Variants in COMMD1 observed in about 807,000 individuals in gnomAD.
COMMD1 encodes COMM domain-containing protein 1.
COMMD1 carries 10 observed loss-of-function variants against 17.2 expected under a neutral mutation model. That is an observed-to-expected ratio of 0.58 (90% CI 0.36 to 0.99). COMMD1 has a LOEUF of 0.99. COMMD1 is among the 50% of genes least tolerant of loss of function. COMMD1 has a pLI of 0.01. For synonymous variants in COMMD1, 97 were observed against 91.6 expected, an observed-to-expected ratio of 1.06 and a Z score of -0.34; for missense variants, 270 against 231.8, an observed-to-expected ratio of 1.17 and a Z score of -1.07.
chr2:62,090,682 G>C (rs1671800696), intron 2 of COMMD1: 1 of 152,188 alleles, frequency 6.6e-6, no homozygotes, highest in African/African-American at 2.4e-5. Context: ...CCCAACAGAA[G>C]CGGCCCTTCC....
chr2:61,899,674 T>A (rs1305401883), intron 1 of COMMD1, among the ~76,000 whole-genome samples: 1 of 151,968 alleles, frequency 6.6e-6, no homozygotes, highest in Non-Finnish European at 1.5e-5. Flanking sequence ...TTCTTGTTGT[T>A]TTGTTTGTTT....
At chr2:62,015,482 A>C (rs1669413910) in intron 2 of COMMD1, among the ~76,000 whole-genome samples, 1 of 152,200 alleles carries the variant, frequency 6.6e-6, no homozygotes, top group African/African-American at 2.4e-5. Flanking sequence ...TGCTGTGAAC[A>C]TGGGTATACA....
intron 2 of COMMD1, among the ~76,000 whole-genome samples, chr2:62,015,471 C>T (rs992164094): frequency 6.6e-6 from 1 of 152,164 alleles, no homozygotes; most frequent in Non-Finnish European, 1.5e-5. Context: ...TGTGACTAAT[C>T]TGCTGTGAAC....
At position 62,050,403 on chromosome 2, in the gene COMMD1, T is replaced by C. The variant is rs563388128; in HGVS notation, c.462+49421T>C. Reference sequence around the variant, plus strand: ...TCTGCCATCTCAATGAAGTTGCTAGTATTTTGTGTATCTTTCAGTTATTTT... The same window carrying C: ...TCTGCCATCTCAATGAAGTTGCTAGCATTTTGTGTATCTTTCAGTTATTTT... On this transcript the variant is annotated intron_variant, in intron 2 of 2. Transcript: ENST00000311832. 2.0e-5 allele frequency among the ~76,000 whole-genome samples: 3 copies of C among 152,322 alleles called. No homozygotes were observed. The South Asian group carries it at 6.2e-4, about 32-fold the overall frequency.
chr2:61,914,434 A>G (rs1404036128), intron 1 of COMMD1, among the ~76,000 whole-genome samples: 1 of 147,086 alleles, frequency 6.8e-6, no homozygotes, highest in East Asian at 2.2e-4. Context: ...AAAATTAGGC[A>G]TGGTGGCGTG....
At chr2:61,917,752 T>C (rs1456213587) in intron 1 of COMMD1, among the ~76,000 whole-genome samples, 1 of 152,172 alleles carries the variant, frequency 6.6e-6, no homozygotes, top group Non-Finnish European at 1.5e-5. Context: ...AGGATGGTCT[T>C]GATTTCCACT....
At chr2:61,998,775 G>A (rs1407898967) in intron 1 of COMMD1, among the ~76,000 whole-genome samples, 2 of 152,180 alleles carry the variant, frequency 1.3e-5, no homozygotes, top group African/African-American at 2.4e-5. Context: ...AGAGGCCATC[G>A]TAGGGTTATT....
At chr2:61,975,118 C>CTTTTTTTTTTTTTTTTTTTTTTTTTT in intron 1 of COMMD1, among the ~76,000 whole-genome samples, 2 of 80,168 alleles carry the variant, frequency 2.5e-5, no homozygotes, top group African/African-American at 4.6e-5. Context: ...TCATTTCTTT[C>CTTTTTTTTTTTTTTTTTTTTTTTTTT]TTTTTTTTTT....
chr2:62,075,528 A>G (rs1671315063), intron 2 of COMMD1, among the ~76,000 whole-genome samples: 1 of 152,218 alleles, frequency 6.6e-6, no homozygotes, highest in Non-Finnish European at 1.5e-5. Context: ...TGTCTCAATT[A>G]TCTCTGGATA....
intron 2 of COMMD1, among the ~76,000 whole-genome samples, chr2:62,051,245 C>T (rs951498448): frequency 6.6e-6 from 1 of 152,092 alleles, no homozygotes; most frequent in Non-Finnish European, 1.5e-5. Context: ...TTAACTTACA[C>T]TCTGGAGGGG....
intron 1 of COMMD1, among the ~76,000 whole-genome samples, chr2:61,999,856 T>G (rs551639630): frequency 2.0e-5 from 3 of 152,300 alleles, no homozygotes; most frequent in African/African-American, 7.2e-5. Flanking sequence ...TTTTCTGATA[T>G]TTGATGTTTC....
intron 1 of COMMD1, 146 bp from the exon 2 acceptor site, chr2:62,000,555 G>A: frequency 2.5e-6 from 2 of 794,828 alleles, no homozygotes; most frequent in Non-Finnish European, 4.1e-6. Flanking sequence ...GCCTCCCAAA[G>A]TGCTGAGATT....
rs6718008 is a variant in COMMD1, at chr2:62,132,236, A to G, written c.463-3595A>G. 5.4e-3 allele frequency among the ~76,000 whole-genome samples: 822 copies of G among 152,316 alleles called. 7 individuals carry two copies. The highest frequency in any genetic ancestry group is 0.019 in the African/African-American group (790 of 41,578). On this transcript the variant is annotated intron_variant, in intron 2 of 2. Coordinates refer to ENST00000311832, the MANE Select transcript of COMMD1 (RefSeq NM_152516.4). ...TTTCTCTAGTATTTGGCATCCCTCA[A>G]AAATAAACTGAGCTTCATTCATACA...
intron 1 of COMMD1, among the ~76,000 whole-genome samples, chr2:61,972,755 G>T (rs1391803875): frequency 6.6e-6 from 1 of 152,172 alleles, no homozygotes; most frequent in Non-Finnish European, 1.5e-5. Flanking sequence ...TGAATTAGGT[G>T]CTTATCAATC....
At chr2:62,000,270 AT>A (rs370727672) in intron 1 of COMMD1, among the ~76,000 whole-genome samples, 9,516 of 127,292 alleles carry the variant, frequency 0.075, 414 homozygotes, top group East Asian at 0.19. Flanking sequence ...ATTTCAGTGA[AT>A]TTTTTTTTTT....
At chr2:62,111,868 G>A (rs920431402) in intron 2 of COMMD1, among the ~76,000 whole-genome samples, 2 of 152,170 alleles carry the variant, frequency 1.3e-5, no homozygotes, top group African/African-American at 4.8e-5. Context: ...TTAGTTCAGA[G>A]CTTTCCAAGA....
chr2:61,894,029 G>A (rs1356886790), intron 1 of COMMD1, among the ~76,000 whole-genome samples: 1 of 152,112 alleles, frequency 6.6e-6, no homozygotes, highest in East Asian at 1.9e-4. Flanking sequence ...CCTGTGACTA[G>A]CCATTGAACT....
intron 2 of COMMD1, among the ~76,000 whole-genome samples, chr2:62,085,244 G>A (rs1406764295): frequency 7.1e-6 from 1 of 141,340 alleles, no homozygotes; most frequent in Admixed American, 7.2e-5. Flanking sequence ...TTGAGACGGA[G>A]CCTTGCTCTG....
At chr2:61,937,097 A>G (rs1670625115) in intron 1 of COMMD1, among the ~76,000 whole-genome samples, 1 of 152,210 alleles carries the variant, frequency 6.6e-6, no homozygotes, top group Admixed American at 6.5e-5. Context: ...CTGGGTTAAG[A>G]TAAGGGGTTG....
Sources: allele counts gnomAD v4.1 joint callset (sites outside exome capture counted in the v4.1 genomes callset), GRCh38; gene constraint gnomAD v4.1.1; transcripts MANE v1.5; gene names NCBI Gene and HGNC (gene_info 2026-07-23, HGNC 2026-07-21).